The following PHLDB1 variants were observed in gnomAD, a reference collection of about 807,000 sequenced individuals.
PHLDB1 encodes the protein pleckstrin homology-like domain family B member 1.
A neutral mutation model predicts 139.3 loss-of-function variants in PHLDB1; 65 were observed. The observed-to-expected ratio is 0.47, with a 90% confidence interval of 0.38 to 0.57. The LOEUF (loss-of-function observed/expected upper bound fraction) is 0.57. Ranked by LOEUF, PHLDB1 falls within the 20% of genes least tolerant of loss-of-function variation. The probability of loss-of-function intolerance (pLI) is 0.00; values close to 1 mark genes in which losing one functional copy is unlikely to be tolerated. For synonymous variants in PHLDB1, 679 were observed against 734.5 expected, an observed-to-expected ratio of 0.92 and a Z score of 1.22; for missense variants, 1,624 against 1,839.7, an observed-to-expected ratio of 0.88 and a Z score of 2.14.
chr11:118,650,005 A>G lies in PHLDB1; in HGVS notation c.3655-72A>G. Reference sequence around the variant, plus strand: ...TCAGGCTGTTGGGGTTTAGAAGTGAAGCCAAGGGGCCTGGACAGGGGAATA... The same window carrying G: ...TCAGGCTGTTGGGGTTTAGAAGTGAGGCCAAGGGGCCTGGACAGGGGAATA... On this transcript the variant is annotated intron_variant, in intron 18 of 22. Coordinates refer to ENST00000600882, the MANE Select transcript of PHLDB1 (RefSeq NM_001144758.3). The surrounding 1 kb of genome is among the most constrained non-coding windows in gnomAD (Gnocchi z 4.7). The G allele has an allele frequency of 1.8e-6, 2 of 1,134,640 alleles. No homozygotes were observed. The highest frequency in any genetic ancestry group is 2.7e-6 in the Non-Finnish European group (2 of 744,486). 70.3% of individuals were successfully genotyped at this position (1,134,640 alleles called of 1,614,324 possible).
In PHLDB1 at chr11:118,628,532, C is replaced by T. The variant is rs145688241; in HGVS notation, c.1709C>T (p.Pro570Leu). 11 of 1,613,120 alleles carry T rather than the reference C, an allele frequency of 6.8e-6. No homozygotes were observed. The African/African-American group carries it at 1.5e-4, about 22-fold the overall frequency. The change falls in exon 6 of 23, where the codon CCT (proline) becomes CTT (leucine). Residue 570 changes from proline (P) to leucine (L), a missense_variant. Pro to Leu is a moderately conservative substitution (Grantham distance 98). Coordinates refer to ENST00000600882, the MANE Select transcript of PHLDB1 (RefSeq NM_001144758.3). ...RKLSSGDLRV[P>L]VTRERKNSIT... ...CTCTCCAGCGGGGACTTGCGGGTGC[C>T]TGTCACAAGGGAGCGGAAAAATAGC...
Position 118,624,992 on chromosome 11 carries a change from C to T in PHLDB1, c.414C>T (p.Ala138=), listed in dbSNP as rs782750061. The T allele has an allele frequency of 1.1e-5, 17 of 1,613,898 alleles. No individual in the cohort carries two copies. Among genetic ancestry groups the T allele is most frequent in the Non-Finnish European group, 1.3e-5 (15 of 1,179,842 alleles). The change falls in exon 5 of 23, where the codon GCC becomes GCT. Residue 138 remains alanine, a synonymous_variant. Transcript: ENST00000600882. ...TFLRFNHPAE[A]KWMKSMIPAG... ...TTCGCTTTAACCACCCGGCTGAAGC[C>T]AAGTGGATGAAAAGCATGATTCCAG...
chr11:118,648,845 C>G (rs601318), intron 18 of PHLDB1, among the ~76,000 whole-genome samples: 49,138 of 152,010 alleles, frequency 0.32, 8,277 homozygotes, highest in East Asian at 0.46. Flanking sequence ...ACTTAGATAG[C>G]CTGTCCCTTC....
intron 22 of PHLDB1, 80 bp downstream of exon 22, chr11:118,655,972 C>T (rs1949004860): frequency 1.9e-6 from 2 of 1,030,232 alleles, no homozygotes; most frequent in African/African-American, 1.6e-5. Context: ...ACCTCCCCTT[C>T]ATCCCCCTCC....
chr11:118,654,397 T>TA (rs1211672033), intron 20 of PHLDB1: 10 of 152,102 alleles, frequency 6.6e-5, no homozygotes, highest in African/African-American at 1.2e-4. Flanking sequence ...TCTTTTTTTT[T>TA]AAAAAATAGG....
upstream of PHLDB1, chr11:118,607,495 A>G (rs1184874610): frequency 7.9e-6 from 1 of 126,082 alleles, no homozygotes; most frequent in Admixed American, 1.0e-4. Context: ...CCAGCCCCAC[A>G]AGGGCGTCTT....
In PHLDB1 at chr11:118,631,302, G is replaced by T; in HGVS notation, c.1923G>T (p.Glu641Asp). 1 of 1,539,232 alleles carries T rather than the reference G, an allele frequency of 6.5e-7. No homozygotes were observed. Among genetic ancestry groups the T allele is most frequent in the Admixed American group, 2.1e-5 (1 of 48,246 alleles). ...CTGGGGAGCTTCCCAGCATTGGGGA[G>T]GCCACCGCAGCATTGGCACTGGCAG... ...PEAGELPSIG[E>D]ATAALALAGR... The change falls in exon 7 of 23, where the codon GAG (glutamate) becomes GAT (aspartate). Residue 641 changes from glutamate (E) to aspartate (D), a missense_variant. Transcript: ENST00000600882.
chr11:118,655,903 C>T lies in PHLDB1; in HGVS notation c.3993+11C>T. 1 of 1,604,538 alleles carries T rather than the reference C, an allele frequency of 6.2e-7. No homozygotes were observed. The highest frequency in any genetic ancestry group is 8.5e-7 in the Non-Finnish European group (1 of 1,171,260). On this transcript the variant is annotated intron_variant, in intron 22 of 22. Transcript: ENST00000600882. Reference sequence around the variant, plus strand: ...ACTATGGTGACTGAGGTACCCCTCCCCACTTAGCTGTAACCAGCACATTAA... The same window carrying T: ...ACTATGGTGACTGAGGTACCCCTCCTCACTTAGCTGTAACCAGCACATTAA...
intron 20 of PHLDB1, chr11:118,652,109 A>C (rs1248615307): frequency 6.6e-6 from 1 of 152,364 alleles, no homozygotes; most frequent in Non-Finnish European, 1.5e-5. Flanking sequence ...CTAGGAGCTC[A>C]GAAGAGGGGA....
Position 118,645,672 on chromosome 11 carries a change from G to T in PHLDB1, c.3416+22G>T, listed in dbSNP as rs369864328. On this transcript the variant is annotated intron_variant, in intron 16 of 22. Coordinates refer to ENST00000600882, the MANE Select transcript of PHLDB1 (RefSeq NM_001144758.3). This position sits in a 1 kb window ranked among gnomAD's most constrained non-coding sequence, Gnocchi z 5.1. ...CCAGGTACACCCGACGCCTGGGCCC[G>T]CAGCCTCCCTCAGCCACCGCCTCAG... 2.9e-5 allele frequency: 47 copies of T among 1,613,262 alleles called. No homozygotes were observed. In the South Asian group the frequency reaches 4.8e-4, roughly 17 times the overall value.
intron 20 of PHLDB1, chr11:118,654,608 G>C (rs935025173): frequency 2.0e-5 from 3 of 151,046 alleles, no homozygotes; most frequent in Non-Finnish European, 4.4e-5. Context: ...ATGTGTCTTA[G>C]AGATCATTTT....
At chr11:118,641,992 T>C in intron 12 of PHLDB1, 3 of 590,270 alleles carry the variant, frequency 5.1e-6, no homozygotes, top group East Asian at 6.1e-5. Flanking sequence ...TCTTTGCCCT[T>C]AGTACATTCA....
At chr11:118,636,140 G>C (rs1555115480) in intron 10 of PHLDB1, among the ~76,000 whole-genome samples, 1 of 152,200 alleles carries the variant, frequency 6.6e-6, no homozygotes, top group East Asian at 1.9e-4. Context: ...TGTATGTTTG[G>C]GGAGTAAAGC....
At position 118,616,049 on chromosome 11, in the gene PHLDB1, G is replaced by A; in HGVS notation, c.193G>A (p.Val65Met). The A allele has an allele frequency of 5.0e-6, 8 of 1,612,984 alleles. No individual in the cohort carries two copies. In the South Asian group the frequency reaches 7.7e-5, roughly 16 times the overall value. Reference sequence around the variant, plus strand: ...TTGCCTCTTGTCTCCAGGGAGGACGGTGATTGGCTCTGCAGCCAGAGACAT... The same window carrying A: ...TTGCCTCTTGTCTCCAGGGAGGACGATGATTGGCTCTGCAGCCAGAGACAT... ...TLLPLEEGRTVIGSAARDISL... is the reference protein window; with the variant it reads ...TLLPLEEGRTMIGSAARDISL... Residue 65 changes from valine (V) to methionine (M), a missense_variant, in exon 4 of 23, where the codon GTG (valine) becomes ATG (methionine). Coordinates refer to ENST00000600882, the MANE Select transcript of PHLDB1 (RefSeq NM_001144758.3).
intron 4 of PHLDB1, chr11:118,624,590 CTTTTTTTTTTTT>C (rs67582556): frequency 6.8e-5 from 9 of 133,174 alleles, no homozygotes; most frequent in Admixed American, 3.6e-4. Flanking sequence ...TTCTTCCTTT[CTTTTTTTTTTTT>C]TTTTTTTTTT....
At chr11:118,635,180 G>A (rs556399602) in intron 9 of PHLDB1, 93 of 617,472 alleles carry the variant, frequency 1.5e-4, no homozygotes, top group African/African-American at 1.4e-3. Context: ...GCTGCGGTTT[G>A]GAGGGAACCG....
Position 118,610,645 on chromosome 11 carries a change from C to T in PHLDB1, c.-22+2946C>T, listed in dbSNP as rs554388886. The T allele has an allele frequency of 7.2e-5, 15 of 207,354 alleles. No homozygotes were observed. In the East Asian group the frequency reaches 1.3e-3, roughly 18 times the overall value. 12.8% of individuals were successfully genotyped at this position (207,354 alleles called of 1,614,324 possible). ...CTCGTCCTGGGACTCCGTGGGAGCC[C>T]GGGAGCTGTGTCAGTGCCCGTTGGT... On this transcript the variant is annotated intron_variant, in intron 1 of 22. Transcript: ENST00000600882. The surrounding 1 kb of genome is among the most constrained non-coding windows in gnomAD (Gnocchi z 8.7).
chr11:118,645,220 G>A lies in PHLDB1; in HGVS notation c.3122-136G>A. On this transcript the variant is annotated intron_variant, in intron 15 of 22. Coordinates refer to ENST00000600882, the MANE Select transcript of PHLDB1 (RefSeq NM_001144758.3). This position sits in a 1 kb window ranked among gnomAD's most constrained non-coding sequence, Gnocchi z 5.1. ...AGGCCTGGAGCTGCAGGGGCCTTAG[G>A]GAAGCTGCGGGGAGAGGGGGCTGCT... The A allele has an allele frequency of 3.4e-6, 2 of 587,186 alleles. No individual in the cohort carries two copies. Among genetic ancestry groups the A allele is most frequent in the Non-Finnish European group, 5.6e-6 (2 of 355,448 alleles). 36.4% of individuals were successfully genotyped at this position (587,186 alleles called of 1,614,324 possible).
In PHLDB1 at chr11:118,628,548, G is replaced by A; in HGVS notation, c.1725G>A (p.Arg575=). The change falls in exon 6 of 23, where the codon CGG becomes CGA. Residue 575 remains arginine, a synonymous_variant. Coordinates refer to ENST00000600882, the MANE Select transcript of PHLDB1 (RefSeq NM_001144758.3). The part of the protein sequence containing the change: ...GDLRVPVTRE[R]KNSITEISDN... ...TGCGGGTGCCTGTCACAAGGGAGCG[G>A]AAAAATAGCATCACAGAGATCAGTG... 2.5e-6 allele frequency: 4 copies of A among 1,613,162 alleles called. No individual in the cohort carries two copies. Among genetic ancestry groups the A allele is most frequent in the Non-Finnish European group, 3.4e-6 (4 of 1,180,010 alleles).
Sources: allele counts gnomAD v4.1 joint callset (sites outside exome capture counted in the v4.1 genomes callset), GRCh38; gene constraint gnomAD v4.1.1; non-coding constraint Gnocchi (gnomAD v3.1); transcripts MANE v1.5; gene names NCBI Gene and HGNC (gene_info 2026-07-23, HGNC 2026-07-21).